NCALD: variants seen among roughly 807,000 people sequenced by gnomAD.
The protein encoded by NCALD is neurocalcin-delta.
NCALD carries 10 observed loss-of-function variants against 18.6 expected under a neutral mutation model. The observed-to-expected ratio is 0.54, with a 90% CI of 0.33 to 0.91. The LOEUF is 0.91. Among genes scored for constraint, NCALD ranks in the 40% least tolerant of loss-of-function variants. The pLI, the probability that NCALD is intolerant of heterozygous loss-of-function variation, is 0.03. For synonymous variants in NCALD, 88 were observed against 87.4 expected, an observed-to-expected ratio of 1.01 and a Z score of -0.04; for missense variants, 184 against 247.6, an observed-to-expected ratio of 0.74 and a Z score of 1.72.
chr8:101,746,525 T>C (rs998789607), intron 1 of NCALD, among the ~76,000 whole-genome samples: 1 of 152,148 alleles, frequency 6.6e-6, no homozygotes, highest in African/African-American at 2.4e-5. Flanking sequence ...CAAGAACACA[T>C]TCAAGGCAGA....
chr8:101,758,035 C>T (rs1810960508), intron 1 of NCALD, among the ~76,000 whole-genome samples: 1 of 152,172 alleles, frequency 6.6e-6, no homozygotes, highest in African/African-American at 2.4e-5. Flanking sequence ...AACATTCCTC[C>T]TGCATCAGCC....
At chr8:102,001,178 TA>T (rs1284482020) in intron 2 of NCALD, among the ~76,000 whole-genome samples, 6 of 152,244 alleles carry the variant, frequency 3.9e-5, no homozygotes, top group African/African-American at 1.4e-4. Context: ...GAGAAGTCCT[TA>T]AAGGACCTGA....
chr8:101,703,485 T>C (rs557800333), intron 2 of NCALD, among the ~76,000 whole-genome samples: 2 of 152,222 alleles, frequency 1.3e-5, no homozygotes, highest in East Asian at 1.9e-4. Context: ...AGGGATTGAA[T>C]CTATCCCCTC....
chr8:101,972,666 A>C (rs1820285531), intron 2 of NCALD, among the ~76,000 whole-genome samples: 1 of 152,178 alleles, frequency 6.6e-6, no homozygotes, highest in South Asian at 2.1e-4. Flanking sequence ...CTTTTTCCCA[A>C]CCTAAATACA....
intron 2 of NCALD, among the ~76,000 whole-genome samples, chr8:101,717,519 C>A (rs1816143306): frequency 6.6e-6 from 1 of 152,194 alleles, no homozygotes; most frequent in African/African-American, 2.4e-5. Context: ...ACAGGTGTTA[C>A]TCATATTAAC....
intron 1 of NCALD, among the ~76,000 whole-genome samples, chr8:102,115,556 G>A (rs549279802): frequency 6.6e-6 from 1 of 152,294 alleles, no homozygotes; most frequent in East Asian, 1.9e-4. Flanking sequence ...AATTCTCCAG[G>A]CCATTGCCAA....
At chr8:101,993,192 G>C (rs1352484813) in intron 2 of NCALD, among the ~76,000 whole-genome samples, 1 of 150,212 alleles carries the variant, frequency 6.7e-6, no homozygotes, top group African/African-American at 2.5e-5. Flanking sequence ...TCTATTTCCA[G>C]AATGTGTAGC....
intron 1 of NCALD, among the ~76,000 whole-genome samples, chr8:102,074,376 G>A (rs898191915): frequency 2.0e-5 from 3 of 152,160 alleles, no homozygotes; most frequent in African/African-American, 7.2e-5. Context: ...TCTGGTATCT[G>A]TGGGTTGCTT....
intron 1 of NCALD, among the ~76,000 whole-genome samples, chr8:102,081,569 AAAAAAAAC>A (rs1824535217): frequency 6.0e-5 from 6 of 99,654 alleles, no homozygotes; most frequent in Non-Finnish European, 8.2e-5. Flanking sequence ...AAAAAAAAAA[AAAAAAAAC>A]CCCAAAAAAA....
intron 3 of NCALD, among the ~76,000 whole-genome samples, chr8:101,900,319 T>C (rs964618638): frequency 2.6e-5 from 4 of 151,894 alleles, no homozygotes; most frequent in Non-Finnish European, 5.9e-5. Context: ...TTTCTTGTTT[T>C]TCTCCTTGTA....
intron 1 of NCALD, among the ~76,000 whole-genome samples, chr8:101,760,759 GAAGTT>G (rs1346206735): frequency 6.6e-6 from 1 of 152,132 alleles, no homozygotes; most frequent in African/African-American, 2.4e-5. Context: ...AATAGTTAAT[GAAGTT>G]AAGTCATGCA....
chr8:101,941,430 C>T (rs1258849264), intron 2 of NCALD, among the ~76,000 whole-genome samples: 2 of 152,228 alleles, frequency 1.3e-5, no homozygotes, highest in Non-Finnish European at 2.9e-5. Flanking sequence ...TCACCTCTTC[C>T]TGGGCAACCT....
At chr8:101,857,053 C>G (rs931662858) in intron 4 of NCALD, among the ~76,000 whole-genome samples, 2 of 152,324 alleles carry the variant, frequency 1.3e-5, no homozygotes, top group Non-Finnish European at 1.5e-5. Flanking sequence ...TCCTTTACCT[C>G]TAATCCCAAG....
chr8:102,106,780 C>CA (rs1035921177), intron 1 of NCALD, among the ~76,000 whole-genome samples: 5 of 151,872 alleles, frequency 3.3e-5, no homozygotes, highest in African/African-American at 1.2e-4. Flanking sequence ...ATGCACTCTG[C>CA]AAAAAAATGC....
At chr8:102,010,472 G>C (rs906347546) in intron 2 of NCALD, among the ~76,000 whole-genome samples, 1 of 152,126 alleles carries the variant, frequency 6.6e-6, no homozygotes, top group African/African-American at 2.4e-5. Context: ...TTATTCTCTA[G>C]TTTTCACTGT....
chr8:101,946,672 C>G (rs561546368), intron 2 of NCALD, among the ~76,000 whole-genome samples: 280 of 151,900 alleles, frequency 1.8e-3, no homozygotes, highest in Admixed American at 3.7e-3. Flanking sequence ...ATGATGAAAT[C>G]GTTCACACTT....
At chr8:101,887,723 T>C (rs1474447919) in intron 3 of NCALD, among the ~76,000 whole-genome samples, 2 of 151,974 alleles carry the variant, frequency 1.3e-5, no homozygotes, top group Non-Finnish European at 2.9e-5. Flanking sequence ...GGAATGTATA[T>C]AGAAACTATC....
rs138891063 is a variant in NCALD at position 102,037,882 on chromosome 8, TC to T, written c.-209-17594del. Among the ~76,000 whole-genome samples the T allele has an allele frequency of 4.9e-4, 75 of 152,280 alleles. 1 individual carries two copies. In the East Asian group the frequency reaches 0.014, roughly 29 times the overall value. On this transcript the variant is annotated intron_variant, in intron 1 of 6. Coordinates refer to the NCALD transcript ENST00000311028. ...AAACAAAAGAGTAAACAATCCTGGA[TC>T]TGAACTGATAGCACTTTATAAATAA...
chr8:101,777,032 C>A (rs112111619), intron 1 of NCALD, among the ~76,000 whole-genome samples: 2,828 of 152,190 alleles, frequency 0.019, 50 homozygotes, highest in African/African-American at 0.037. Context: ...AGTCTCCCCC[C>A]AAAAGACATG....
Sources: allele counts gnomAD v4.1 joint callset (sites outside exome capture counted in the v4.1 genomes callset), GRCh38; gene constraint gnomAD v4.1.1; transcripts MANE v1.5; gene names NCBI Gene and HGNC (gene_info 2026-07-23, HGNC 2026-07-21).